IQCK: variants seen among roughly 807,000 people sequenced by gnomAD.
IQCK encodes the protein IQ motif containing K.
In IQCK, 29 loss-of-function variants were observed where a neutral mutation model predicts 28.1. That is an observed-to-expected ratio of 1.03 (90% CI 0.77 to 1.41). The LOEUF (loss-of-function observed/expected upper bound fraction) is 1.41, where lower values mean the gene tolerates loss of function less well. Ranked by LOEUF, IQCK falls within the 40% of genes most tolerant of loss-of-function variation. The probability of loss-of-function intolerance (pLI) is 0.00; values close to 1 mark genes in which losing one functional copy is unlikely to be tolerated. For synonymous variants in IQCK, 113 were observed against 115.1 expected, an observed-to-expected ratio of 0.98 and a Z score of 0.12; for missense variants, 359 against 314.7, an observed-to-expected ratio of 1.14 and a Z score of -1.07.
chr16:19,763,856 A>G (rs1476115156), exon 5 of IQCK: 10 of 1,613,136 alleles, frequency 6.2e-6, no homozygotes, highest in Non-Finnish European at 8.5e-6. Flanking sequence ...AGAGGAAAAG[A>G]ACCAAATTCA....
intron 6 of IQCK, among the ~76,000 whole-genome samples, chr16:19,775,667 T>TA (rs1597547820): frequency 6.6e-6 from 1 of 152,170 alleles, no homozygotes. Context: ...ACAGCCCTCT[T>TA]ACCTCTGAGG....
At chr16:19,719,612 G>C (rs1280030455) in intron 1 of IQCK, among the ~76,000 whole-genome samples, 3 of 148,796 alleles carry the variant, frequency 2.0e-5, no homozygotes, top group African/African-American at 7.4e-5. Context: ...AGTGTGGTTA[G>C]TTAGCATTTG....
chr16:19,727,377 A>G (rs542557000), intron 1 of IQCK, among the ~76,000 whole-genome samples: 5 of 152,094 alleles, frequency 3.3e-5, no homozygotes, highest in Non-Finnish European at 7.4e-5. Context: ...GCCTGAGCTT[A>G]GGAGTTCGAG....
At chr16:19,741,319 T>G (rs1179494394) in intron 4 of IQCK, among the ~76,000 whole-genome samples, 1 of 152,192 alleles carries the variant, frequency 6.6e-6, no homozygotes, top group African/African-American at 2.4e-5. Context: ...TGGCCATTAT[T>G]CTTCTAATTT....
chr16:19,761,336 T>C (rs1418742386), intron 4 of IQCK: 4 of 449,382 alleles, frequency 8.9e-6, no homozygotes, highest in South Asian at 6.3e-5. Flanking sequence ...CTCTCTGGTC[T>C]CCTGCTGGTA....
chr16:19,838,983 C>T (rs775500262), intron 9 of IQCK, among the ~76,000 whole-genome samples: 10 of 132,930 alleles, frequency 7.5e-5, no homozygotes, highest in Admixed American at 3.3e-4. Context: ...CACGCCACTG[C>T]ACTCCAGCCT....
chr16:19,828,482 C>T (rs2056182169), downstream of IQCK, among the ~76,000 whole-genome samples: 1 of 143,316 alleles, frequency 7.0e-6, no homozygotes. Flanking sequence ...AGGTGATCTG[C>T]CCGCCTTGGC....
At chr16:19,735,978 G>T (rs1978001269) in intron 4 of IQCK, 1 of 389,320 alleles carries the variant, frequency 2.6e-6, no homozygotes, top group South Asian at 2.0e-5. Flanking sequence ...AGGCAGGAAG[G>T]CCCCTTGAGG....
intron 7 of IQCK, among the ~76,000 whole-genome samples, chr16:19,811,105 A>T (rs1157815612): frequency 6.6e-6 from 1 of 152,156 alleles, no homozygotes; most frequent in Admixed American, 6.5e-5. Context: ...GGAACATGGC[A>T]AAACCTGGTC....
exon 10 of IQCK, chr16:19,856,665 T>C (rs1188249942): frequency 1.2e-4 from 99 of 800,272 alleles, no homozygotes; most frequent in Non-Finnish European, 1.5e-5. Context: ...CATGTGCAAA[T>C]GGAATCTTTT....
chr16:19,721,516 T>C (rs762147859), intron 1 of IQCK, among the ~76,000 whole-genome samples: 3 of 152,138 alleles, frequency 2.0e-5, no homozygotes, highest in Non-Finnish European at 4.4e-5. Flanking sequence ...TCAAATCTTA[T>C]AGTAGTTTGT....
downstream of IQCK, among the ~76,000 whole-genome samples, chr16:19,828,937 TTTTAATTA>T (rs1250162646): frequency 2.1e-5 from 3 of 144,088 alleles, no homozygotes; most frequent in African/African-American, 5.0e-5. Flanking sequence ...ATTAAATATA[TTTTAATTA>T]TTTAATTATT....
At chr16:19,831,440 C>T (rs111797571), downstream of IQCK, among the ~76,000 whole-genome samples, 1 of 152,166 alleles carries the variant, frequency 6.6e-6, no homozygotes, top group Non-Finnish European at 1.5e-5. Flanking sequence ...TTGTTAAGCT[C>T]ATGCGCTAGA....
chr16:19,761,588 C>T (rs992412517), intron 4 of IQCK: 4 of 273,920 alleles, frequency 1.5e-5, no homozygotes, highest in Admixed American at 1.4e-4. Flanking sequence ...GATTTTATCA[C>T]CCGATTTCCA....
At chr16:19,742,269 T>C (rs4583228) in intron 4 of IQCK, among the ~76,000 whole-genome samples, 8,284 of 152,310 alleles carry the variant, frequency 0.054, 702 homozygotes, top group African/African-American at 0.18. Flanking sequence ...TTTTGAATGC[T>C]ACAAATACGC....
chr16:19,772,439 CT>C (rs2055331910), intron 6 of IQCK, among the ~76,000 whole-genome samples: 1 of 151,994 alleles, frequency 6.6e-6, no homozygotes, highest in South Asian at 2.1e-4. Context: ...CACTTAATAG[CT>C]GATGAAATTA....
rs78363905 is a variant in IQCK at position 19,753,608 on chromosome 16, C to T, written c.475-10240C>T. Among the ~76,000 whole-genome samples the T allele has an allele frequency of 2.1e-4, 32 of 152,090 alleles. No homozygotes were observed. The East Asian group carries it at 4.3e-3, about 20-fold the overall frequency. ...AATAAGATGGAAGGGATACTGAGCACGTATCTTGGTTAGGGTGCATTATGT... is the reference window on the plus strand; with the variant it reads ...AATAAGATGGAAGGGATACTGAGCATGTATCTTGGTTAGGGTGCATTATGT... On this transcript the variant is annotated intron_variant, in intron 4 of 7. Coordinates refer to ENST00000564186, the Ensembl canonical transcript of IQCK.
intron 6 of IQCK, among the ~76,000 whole-genome samples, chr16:19,772,603 A>G (rs898335444): frequency 6.6e-6 from 1 of 152,212 alleles, no homozygotes; most frequent in African/African-American, 2.4e-5. Flanking sequence ...GCTTCCATTC[A>G]CTGACATGGA....
At chr16:19,738,321 C>A (rs959394600) in intron 4 of IQCK, among the ~76,000 whole-genome samples, 10 of 152,118 alleles carry the variant, frequency 6.6e-5, no homozygotes, top group African/African-American at 2.4e-4. Flanking sequence ...GGAGAAATTC[C>A]CTGGAGGGGT....
Sources: gnomAD v4.1 joint callset for allele counts (sites outside exome capture counted in the v4.1 genomes callset) on GRCh38, gnomAD v4.1.1 for gene constraint, MANE v1.5 for transcripts, NCBI Gene and HGNC (gene_info 2026-07-23, HGNC 2026-07-21) for gene names.